Variants in DNAH11 observed in about 807,000 individuals in gnomAD.
DNAH11 encodes dynein axonemal heavy chain 11, also known as axonemal beta dynein heavy chain 11.
A neutral mutation model predicts 526.0 loss-of-function variants in DNAH11; 442 were observed. The observed-to-expected ratio is 0.84, with a 90% CI of 0.78 to 0.91. The LOEUF (loss-of-function observed/expected upper bound fraction) is 0.91, where lower values mean the gene tolerates loss of function less well. DNAH11 is among the 40% of genes least tolerant of loss of function. The pLI is 0.00. For missense variants in DNAH11, 6,989 were observed against 5,448.7 expected (o/e 1.28, Z -8.90); for synonymous variants, 2,461 against 1,935.9 (o/e 1.27, Z -7.12).
intron 9 of DNAH11, among the ~76,000 whole-genome samples, chr7:21,585,119 T>C (rs1784440100): frequency 6.6e-6 from 1 of 152,128 alleles, no homozygotes; most frequent in African/African-American, 2.4e-5. Flanking sequence ...ACTTTTCAGA[T>C]ATTTGACCTG....
chr7:21,611,357 T>C (rs558515181), intron 20 of DNAH11, among the ~76,000 whole-genome samples: 14 of 152,142 alleles, frequency 9.2e-5, no homozygotes, highest in Non-Finnish European at 1.8e-4. Context: ...CTGAGGCCTT[T>C]GAACTTGCAT....
Position 21,787,114 on chromosome 7 carries a change from T to G in DNAH11, c.9742-287T>G, listed in dbSNP as rs530389051. On this transcript the variant is annotated intron_variant, in intron 59 of 81. Transcript: ENST00000409508. ...AGGAAGGTGAAGCACAGGGGATTTT[T>G]GGTGTGTTTTTTGCTTTTTATTTTC... is the stretch of plus-strand genomic sequence containing the variant. Among the ~76,000 whole-genome samples the G allele has an allele frequency of 3.3e-5, 5 of 152,340 alleles. No individual in the cohort carries two copies. In the South Asian group the frequency reaches 1.0e-3, roughly 32 times the overall value.
chr7:21,879,813 C>T (rs574264846), intron 74 of DNAH11, among the ~76,000 whole-genome samples: 2 of 151,984 alleles, frequency 1.3e-5, no homozygotes, highest in Admixed American at 6.5e-5. Context: ...CGCTGGGCCC[C>T]GCGGCTCGTG....
At position 21,600,712 on chromosome 7, in the gene DNAH11, A is replaced by C; in HGVS notation, c.3037A>C (p.Arg1013=). ...TAACATGTTAGGCCTGGCAGAGGTC[A>C]GGCAGGAGATCATGAACAGAGTGGT... The part of the protein sequence containing the change: ...MDNMLGLAEV[R]QEIMNRVVNV... Residue 1013 remains arginine (R), a synonymous_variant, in exon 16 of 82, where the codon AGG becomes CGG. Transcript: ENST00000409508. The C allele has an allele frequency of 6.2e-7, 1 of 1,613,490 alleles. No homozygotes were observed.
intron 35 of DNAH11, among the ~76,000 whole-genome samples, chr7:21,696,387 G>A (rs993322645): frequency 6.6e-6 from 1 of 152,094 alleles, no homozygotes; most frequent in Non-Finnish European, 1.5e-5. Context: ...TTAATCAATT[G>A]TGCTAACATC....
chr7:21,881,045 C>T (rs1479278250), intron 75 of DNAH11, among the ~76,000 whole-genome samples, 152 bp downstream of exon 75: 1 of 152,146 alleles, frequency 6.6e-6, no homozygotes, highest in Non-Finnish European at 1.5e-5. Context: ...TGAAAATAAA[C>T]CAGATCAAAG....
Position 21,559,788 on chromosome 7 carries a change from A to T in DNAH11, c.878A>T (p.Asp293Val). ...MRRENLSCIY[D>V]QLQAPVVLKM... ...AGAGAAAATCTGTCATGCATTTATG[A>T]TCAAGTAAGTAGATAGCCCTAGAAA... Residue 293 changes from aspartate (D) to valine (V), a missense_variant, in exon 4 of 82, where the codon GAT (aspartate) becomes GTT (valine). Physicochemically the swap from Asp to Val is radical, Grantham distance 152 (BLOSUM62 -3). Coordinates refer to ENST00000409508, the MANE Select transcript of DNAH11 (RefSeq NM_001277115.2). 1 of 1,594,400 alleles carries T rather than the reference A, an allele frequency of 6.3e-7. No individual in the cohort carries two copies. Among genetic ancestry groups the T allele is most frequent in the East Asian group, 2.3e-5 (1 of 44,252 alleles).
At chr7:21,641,756 C>G (rs1217686789) in intron 28 of DNAH11, among the ~76,000 whole-genome samples, 1 of 152,168 alleles carries the variant, frequency 6.6e-6, no homozygotes, top group Non-Finnish European at 1.5e-5. Flanking sequence ...GCTATCTTCT[C>G]CATTATCAGT....
At position 21,901,381 on chromosome 7, in the gene DNAH11, C is replaced by G. The variant is rs546330292; in HGVS notation, c.*127C>G. 98 of 1,297,386 alleles carry G rather than the reference C, an allele frequency of 7.6e-5. No individual in the cohort carries two copies. The Middle Eastern group carries it at 2.5e-3, about 33-fold the overall frequency. 80.4% of individuals were successfully genotyped at this position (1,297,386 alleles called of 1,614,324 possible). A position where few individuals can be genotyped will look rare whatever the true frequency, so the allele number is the denominator to read the frequency against. On this transcript the variant is annotated 3_prime_UTR_variant, in exon 82 of 82. Transcript: ENST00000409508. Reference sequence around the variant, plus strand: ...TCACACGTGCATTCTTTTTTCAACGCTATCCTTAGAGTGAAAGTCAGAAAA... The same window carrying G: ...TCACACGTGCATTCTTTTTTCAACGGTATCCTTAGAGTGAAAGTCAGAAAA...
chr7:21,625,406 T>C (rs1786281752), intron 25 of DNAH11, among the ~76,000 whole-genome samples: 1 of 152,162 alleles, frequency 6.6e-6, no homozygotes, highest in Non-Finnish European at 1.5e-5. Flanking sequence ...CTTCTTTCCT[T>C]AGTCTGGCTA....
intron 77 of DNAH11, among the ~76,000 whole-genome samples, chr7:21,893,078 A>G (rs1311881096): frequency 6.6e-6 from 1 of 152,176 alleles, no homozygotes; most frequent in Non-Finnish European, 1.5e-5. Flanking sequence ...CTGTGAATGG[A>G]TGTTTGGGTT....
At chr7:21,593,124 C>G (rs997518864) in intron 14 of DNAH11, among the ~76,000 whole-genome samples, 1 of 152,002 alleles carries the variant, frequency 6.6e-6, no homozygotes, top group Non-Finnish European at 1.5e-5. Flanking sequence ...CTCCCTAGGT[C>G]AGGGAGAAGA....
intron 6 of DNAH11, among the ~76,000 whole-genome samples, chr7:21,569,263 G>A (rs887123954): frequency 5.3e-5 from 8 of 152,156 alleles, no homozygotes; most frequent in South Asian, 2.1e-4. Context: ...CCACAAAATT[G>A]AAGGCACACA....
intron 74 of DNAH11, among the ~76,000 whole-genome samples, chr7:21,879,877 G>C (rs1435054238): frequency 1.3e-5 from 2 of 152,112 alleles, no homozygotes; most frequent in Non-Finnish European, 2.9e-5. Flanking sequence ...CTGAGGACAG[G>C]AGTTCAAGAC....
At chr7:21,549,432 C>G (rs4317473) in intron 2 of DNAH11, among the ~76,000 whole-genome samples, 100,066 of 151,898 alleles carry the variant, frequency 0.66, 34,647 homozygotes, top group East Asian at 0.95. Context: ...TACCCTTTTA[C>G]GGTCATTATT....
intron 28 of DNAH11, among the ~76,000 whole-genome samples, chr7:21,647,378 T>C (rs927351767): frequency 2.0e-5 from 3 of 151,610 alleles, no homozygotes; most frequent in African/African-American, 4.8e-5. Flanking sequence ...AGACTTCACA[T>C]TGGAAACAAA....
At chr7:21,733,598 G>C (rs1358645911) in intron 45 of DNAH11, among the ~76,000 whole-genome samples, 4 of 152,198 alleles carry the variant, frequency 2.6e-5, no homozygotes. Context: ...ATGCACCTTA[G>C]CGATGATATC....
rs72657362 is a variant in DNAH11, at chr7:21,739,673, G to C, written c.7914G>C (p.Gln2638His). The change falls in exon 48 of 82, where the codon CAG (glutamine) becomes CAC (histidine). Residue 2638 changes from glutamine (Q) to histidine (H), a missense_variant and splice_region_variant. By Grantham distance (24) the Gln-to-His change is conservative. Coordinates refer to ENST00000409508, the MANE Select transcript of DNAH11 (RefSeq NM_001277115.2). ...VGSFTINPRL[Q>H]RHFTVFAFNF... The stretch of plus-strand genomic sequence containing the variant: ...GCTTCACCATCAATCCCAGGCTACA[G>C]GTAGGGTGTTGAATACTGCTCTCAA... 6.2e-7 allele frequency: 1 copy of C among 1,610,238 alleles called. No homozygotes were observed. Among genetic ancestry groups the C allele is most frequent in the Non-Finnish European group, 8.5e-7 (1 of 1,177,522 alleles).
chr7:21,778,419 TC>T (rs753672739), intron 56 of DNAH11, among the ~76,000 whole-genome samples: 27 of 152,158 alleles, frequency 1.8e-4, no homozygotes, highest in Non-Finnish European at 3.1e-4. Flanking sequence ...GTGAAAAAAA[TC>T]AAGAGGCCTA....
Sources: gnomAD v4.1 joint callset for allele counts (sites outside exome capture counted in the v4.1 genomes callset) on GRCh38, gnomAD v4.1.1 for gene constraint, MANE v1.5 for transcripts, NCBI Gene and HGNC (gene_info 2026-07-23, HGNC 2026-07-21) for gene names.